PDLIM1: variants seen among roughly 807,000 people sequenced by gnomAD.
PDLIM1 encodes the protein PDZ and LIM domain 1.
A neutral mutation model predicts 35.2 loss-of-function variants in PDLIM1; 25 were observed. That is an observed-to-expected ratio of 0.71 (90% confidence interval 0.52 to 0.99). The LOEUF is 0.99. Ranked by LOEUF, PDLIM1 falls within the 50% of genes least tolerant of loss-of-function variation. PDLIM1 has a pLI of 0.00. For missense variants in PDLIM1, 363 were observed against 415.3 expected, an observed-to-expected ratio of 0.87 and a Z score of 1.09; for synonymous variants, 152 against 154.0, an observed-to-expected ratio of 0.99 and a Z score of 0.10.
intron 4 of PDLIM1, among the ~76,000 whole-genome samples, chr10:95,254,847 G>A (rs1242665913): frequency 6.6e-6 from 1 of 152,090 alleles, no homozygotes; most frequent in African/African-American, 2.4e-5. Context: ...TTGAGCCCAG[G>A]AGGCAGAGGT....
chr10:95,261,465 G>A (rs1405453456), intron 4 of PDLIM1, among the ~76,000 whole-genome samples: 1 of 152,130 alleles, frequency 6.6e-6, no homozygotes, highest in Non-Finnish European at 1.5e-5. Context: ...GGGTGTGTCT[G>A]TGGAAAGCCT....
intron 5 of PDLIM1, among the ~76,000 whole-genome samples, chr10:95,240,389 G>A (rs1001719936): frequency 1.3e-5 from 2 of 152,204 alleles, no homozygotes; most frequent in Non-Finnish European, 2.9e-5. Flanking sequence ...ACTAATGCAG[G>A]AACACAAAAC....
intron 4 of PDLIM1, among the ~76,000 whole-genome samples, chr10:95,258,445 T>C (rs562839991): frequency 3.9e-5 from 6 of 151,950 alleles, no homozygotes; most frequent in Non-Finnish European, 8.8e-5. Flanking sequence ...GAGTTTGTAG[T>C]AAGCCAAGAT....
In PDLIM1 at chr10:95,238,642, A is replaced by G; in HGVS notation, c.729T>C (p.Pro243=). The change falls in exon 6 of 7, where the codon CCT becomes CCC. Residue 243 remains proline (P), a synonymous_variant. Coordinates refer to ENST00000329399, the MANE Select transcript of PDLIM1 (RefSeq NM_020992.4). ...CAATCGACGCAGCCACTTTAGTGACAGGAGCTTTAACACTTCTGAATCCTG... is the reference window on the plus strand; with the variant it reads ...CAATCGACGCAGCCACTTTAGTGACGGGAGCTTTAACACTTCTGAATCCTG... The part of the protein sequence containing the change: ...KPSGFRSVKA[P]VTKVAASIGN... 1 of 1,614,104 alleles carries G rather than the reference A, an allele frequency of 6.2e-7. No homozygotes were observed. The highest frequency in any genetic ancestry group is 2.2e-5 in the East Asian group (1 of 44,884).
intron 1 of PDLIM1, among the ~76,000 whole-genome samples, chr10:95,289,226 A>G (rs193064361): frequency 6.6e-6 from 1 of 152,374 alleles, no homozygotes; most frequent in East Asian, 1.9e-4. Context: ...ACTATGAGGT[A>G]AGCGAGTTGA....
At chr10:95,260,416 G>A (rs1005384322) in intron 4 of PDLIM1, among the ~76,000 whole-genome samples, 3 of 152,204 alleles carry the variant, frequency 2.0e-5, no homozygotes, top group Non-Finnish European at 4.4e-5. Context: ...AAAGAGAACA[G>A]AGGAAAGGTG....
intron 1 of PDLIM1, among the ~76,000 whole-genome samples, chr10:95,284,025 T>C (rs1589520961): frequency 6.6e-6 from 1 of 151,402 alleles, no homozygotes; most frequent in South Asian, 2.1e-4. Context: ...GTCTCCTTCA[T>C]GTCACTGTGC....
At chr10:95,253,656 TA>T (rs67230953) in intron 4 of PDLIM1, among the ~76,000 whole-genome samples, 163 of 140,876 alleles carry the variant, frequency 1.2e-3, no homozygotes, top group East Asian at 1.5e-3. Flanking sequence ...GACTCTGTCT[TA>T]AAAAAAAAAA....
At chr10:95,288,570 A>G (rs1294426201) in intron 1 of PDLIM1, among the ~76,000 whole-genome samples, 1 of 150,024 alleles carries the variant, frequency 6.7e-6, no homozygotes, top group East Asian at 2.0e-4. Flanking sequence ...TTTTTTAAGT[A>G]GCCTCAGACA....
intron 3 of PDLIM1, among the ~76,000 whole-genome samples, chr10:95,265,343 C>T (rs575671504): frequency 1.3e-5 from 2 of 152,072 alleles, no homozygotes; most frequent in Non-Finnish European, 1.5e-5. Context: ...GCCTGTAATC[C>T]CAGCACTTTG....
intron 1 of PDLIM1, among the ~76,000 whole-genome samples, chr10:95,285,308 C>T (rs1027798863): frequency 5.9e-5 from 9 of 152,298 alleles, no homozygotes; most frequent in African/African-American, 1.4e-4. Flanking sequence ...CCCCAACCAA[C>T]CTCAGGAGAA....
intron 4 of PDLIM1, among the ~76,000 whole-genome samples, chr10:95,252,772 TGAA>T: frequency 6.6e-6 from 1 of 152,000 alleles, no homozygotes; most frequent in South Asian, 2.1e-4. Flanking sequence ...AGCAGCAGCA[TGAA>T]GGAGACAAAG....
Position 95,290,496 on chromosome 10 carries a change from G to A in PDLIM1, c.96+324C>T, listed in dbSNP as rs899066820. ...TCTCCCAGCGCGCGGGATCTGCGGGGACCCTCGTCCCCTCGCTGGTTGACA... is the reference window on the plus strand; with the variant it reads ...TCTCCCAGCGCGCGGGATCTGCGGGAACCCTCGTCCCCTCGCTGGTTGACA... On this transcript the variant is annotated intron_variant, in intron 1 of 6. Transcript: ENST00000329399. This position sits in a 1 kb window ranked among gnomAD's most constrained non-coding sequence, Gnocchi z 4.7. Among the ~76,000 whole-genome samples the A allele has an allele frequency of 5.3e-5, 8 of 152,134 alleles. No homozygotes were observed. The highest frequency in any genetic ancestry group is 1.0e-4 in the Non-Finnish European group (7 of 68,020).
chr10:95,247,387 A>C (rs538890032), intron 4 of PDLIM1, 21 bp from the exon 5 acceptor site: 11 of 1,598,810 alleles, frequency 6.9e-6, no homozygotes, highest in African/African-American at 6.7e-5. Context: ...TGTTTGAAAA[A>C]TTGATTAGGA....
chr10:95,272,288 A>G (rs2035471720), intron 1 of PDLIM1, among the ~76,000 whole-genome samples: 1 of 152,248 alleles, frequency 6.6e-6, no homozygotes, highest in East Asian at 1.9e-4. Context: ...ATAATGTTAT[A>G]TATACAAAAG....
intron 1 of PDLIM1, among the ~76,000 whole-genome samples, chr10:95,282,786 T>C (rs11188257): frequency 0.042 from 6,426 of 151,990 alleles, 550 homozygotes; most frequent in East Asian, 0.39. Context: ...CTACTAAAAA[T>C]ACAAAAAATT....
At chr10:95,249,372 A>G (rs1219333157) in intron 4 of PDLIM1, among the ~76,000 whole-genome samples, 1 of 152,232 alleles carries the variant, frequency 6.6e-6, no homozygotes, top group Non-Finnish European at 1.5e-5. Flanking sequence ...CAAAGAGCAA[A>G]TATCAGATGG....
rs200587356 is a variant in PDLIM1, at chr10:95,238,730, G to A, written c.686-45C>T. 7 of 1,189,060 alleles carry A rather than the reference G, an allele frequency of 5.9e-6. No homozygotes were observed. The African/African-American group carries it at 9.0e-5, about 15-fold the overall frequency. 73.7% of individuals were successfully genotyped at this position (1,189,060 alleles called of 1,614,324 possible). A position where few individuals can be genotyped will look rare whatever the true frequency, so the allele number is the denominator to read the frequency against. ...GTCATTGGCCAGGAAGGGCAGAATT[G>A]CATAAGTATCACTCAGCTCTTCAGA... On this transcript the variant is annotated intron_variant, in intron 5 of 6. Transcript: ENST00000329399.
chr10:95,274,919 A>C (rs2133435906), intron 1 of PDLIM1, among the ~76,000 whole-genome samples: 1 of 152,298 alleles, frequency 6.6e-6, no homozygotes, highest in East Asian at 1.9e-4. Context: ...CACTTTCCAA[A>C]ACTAAACTGT....
Sources: gnomAD v4.1 joint callset for allele counts (sites outside exome capture counted in the v4.1 genomes callset) on GRCh38, gnomAD v4.1.1 for gene constraint, Gnocchi (gnomAD v3.1) non-coding constraint, MANE v1.5 for transcripts, NCBI Gene and HGNC (gene_info 2026-07-23, HGNC 2026-07-21) for gene names.